The following PPP5C variants were observed in gnomAD, a reference collection of about 807,000 sequenced individuals.
PPP5C encodes protein phosphatase 5 catalytic subunit, also known as serine/threonine-protein phosphatase 5.
PPP5C carries 21 observed loss-of-function variants against 66.7 expected under a neutral mutation model. That is an observed-to-expected ratio of 0.31 (90% CI 0.22 to 0.45). PPP5C has a LOEUF of 0.45. Ranked by LOEUF, PPP5C falls within the 20% of genes least tolerant of loss-of-function variation. The pLI, the probability that PPP5C is intolerant of heterozygous loss-of-function variation, is 1.00. For synonymous variants in PPP5C, 246 were observed against 257.4 expected, an observed-to-expected ratio of 0.96 and a Z score of 0.43; for missense variants, 464 against 675.9, an observed-to-expected ratio of 0.69 and a Z score of 3.48.
At position 46,383,382 on chromosome 19, in the gene PPP5C, G is replaced by T; in HGVS notation, c.634-29G>T. The T allele has an allele frequency of 6.2e-7, 1 of 1,604,634 alleles. No homozygotes were observed. Among genetic ancestry groups the T allele is most frequent in the Non-Finnish European group, 8.5e-7 (1 of 1,175,870 alleles). ...AGGTTGGGCAGCAGCCCCTGCAGCC[G>T]GTCCCACTGAGTCTGCCCTGCCTTC... On this transcript the variant is annotated intron_variant, in intron 4 of 12. Transcript: ENST00000012443. The surrounding 1 kb of genome is among the most constrained non-coding windows in gnomAD (Gnocchi z 5.0).
At chr19:46,352,497 G>C (rs16980454) in intron 1 of PPP5C, among the ~76,000 whole-genome samples, 1,668 of 152,260 alleles carry the variant, frequency 0.011, 47 homozygotes, top group African/African-American at 0.038. Context: ...CGTGAGAGTG[G>C]GAGCCTTTTG....
chr19:46,368,614 A>G (rs889356496), intron 2 of PPP5C, among the ~76,000 whole-genome samples: 13 of 152,208 alleles, frequency 8.5e-5, no homozygotes, highest in African/African-American at 2.4e-4. Context: ...ACTGTATAAC[A>G]GGGATGAACT....
Position 46,383,343 on chromosome 19 carries a change from A to T in PPP5C, c.634-68A>T. ...CCCAGCAGCGTCTCATGGGCAGTCC[A>T]GGCTTTCGGGGCCAGGTTGGGCAGC... is the stretch of plus-strand genomic sequence containing the variant. On this transcript the variant is annotated intron_variant, in intron 4 of 12. Transcript: ENST00000012443. The surrounding 1 kb of genome is among the most constrained non-coding windows in gnomAD (Gnocchi z 5.0). The T allele has an allele frequency of 1.3e-6, 2 of 1,575,000 alleles. No homozygotes were observed. The highest frequency in any genetic ancestry group is 1.7e-6 in the Non-Finnish European group (2 of 1,161,002).
rs149732993 is a variant in PPP5C, at chr19:46,390,429, C to T, written c.*83C>T. On this transcript the variant is annotated 3_prime_UTR_variant, in exon 13 of 13. Transcript: ENST00000012443. ...CCTGGGCTAGGGGCAGAGCAGGCCC[C>T]GCCCCAGGGCAATGTTGGACCCCCT... 1.4e-3 allele frequency: 2,104 copies of T among 1,541,318 alleles called. No individual in the cohort carries two copies. Among genetic ancestry groups the T allele is most frequent in the Non-Finnish European group, 1.6e-3 (1,867 of 1,141,824 alleles).
intron 2 of PPP5C, among the ~76,000 whole-genome samples, chr19:46,358,724 A>T (rs1972329806): frequency 6.6e-6 from 1 of 152,198 alleles, no homozygotes; most frequent in South Asian, 2.1e-4. Context: ...TAAATCGGGG[A>T]GGAGTGATTA....
chr19:46,390,615 T>C lies in PPP5C; in HGVS notation c.*269T>C. On this transcript the variant is annotated 3_prime_UTR_variant, in exon 13 of 13. Coordinates refer to ENST00000012443, the MANE Select transcript of PPP5C (RefSeq NM_006247.4). ...TGGGCATTCTGTGGGGAGGCCGTCC[T>C]CGGGGTGGGGTGGGGCCGAGTGGCT... 6 of 1,328,986 alleles carry C rather than the reference T, an allele frequency of 4.5e-6. No homozygotes were observed. The highest frequency in any genetic ancestry group is 5.8e-6 in the Non-Finnish European group (6 of 1,032,708). 82.3% of individuals were successfully genotyped at this position (1,328,986 alleles called of 1,614,324 possible).
chr19:46,358,028 G>A (rs1453761673), intron 2 of PPP5C, among the ~76,000 whole-genome samples: 2 of 152,132 alleles, frequency 1.3e-5, no homozygotes, highest in Non-Finnish European at 2.9e-5. Flanking sequence ...CCAGTGACCA[G>A]CCCCCATCCT....
At chr19:46,347,870 G>C (rs953173963) in intron 1 of PPP5C, among the ~76,000 whole-genome samples, 47 of 151,800 alleles carry the variant, frequency 3.1e-4, no homozygotes, top group African/African-American at 1.1e-3. Context: ...CTTGACTTTG[G>C]GGATATAGCA....
Position 46,390,676 on chromosome 19 carries a change from C to T in PPP5C, c.*330C>T. On this transcript the variant is annotated 3_prime_UTR_variant, in exon 13 of 13. Transcript: ENST00000012443. ...CCTCATTTGCATGGCTCCTCCCCCA[C>T]TCAAGCAATAGGGCCCCGCCATAGG... The T allele has an allele frequency of 2.4e-6, 3 of 1,234,534 alleles. No homozygotes were observed. The highest frequency in any genetic ancestry group is 3.1e-6 in the Non-Finnish European group (3 of 973,230). The allele number at this position is 1,234,534 out of a possible 1,614,324, so 76.5% of individuals were successfully genotyped here.
intron 2 of PPP5C, among the ~76,000 whole-genome samples, chr19:46,372,380 G>A (rs2147385118): frequency 6.6e-6 from 1 of 151,448 alleles, no homozygotes; most frequent in East Asian, 1.9e-4. Flanking sequence ...TTTTGTTGTT[G>A]TTGTTATTTT....
At chr19:46,351,645 A>G (rs1421892583) in intron 1 of PPP5C, among the ~76,000 whole-genome samples, 1 of 152,210 alleles carries the variant, frequency 6.6e-6, no homozygotes. Context: ...CAGCCTCTGG[A>G]CCACAGCCAG....
chr19:46,373,754 A>G (rs916693547), intron 2 of PPP5C, among the ~76,000 whole-genome samples: 1 of 152,132 alleles, frequency 6.6e-6, no homozygotes, highest in African/African-American at 2.4e-5. Flanking sequence ...CCGGTTCCGA[A>G]CCAGCAGGGC....
At chr19:46,386,332 C>T (rs1336903140) in intron 7 of PPP5C, among the ~76,000 whole-genome samples, 1 of 152,216 alleles carries the variant, frequency 6.6e-6, no homozygotes, top group South Asian at 2.1e-4. Flanking sequence ...TAGGCTGGGG[C>T]GAAGCCTGCA....
Position 46,383,904 on chromosome 19 carries a change from C to A in PPP5C, c.798+26C>A. On this transcript the variant is annotated intron_variant, in intron 6 of 12. Transcript: ENST00000012443. The surrounding 1 kb of genome is among the most constrained non-coding windows in gnomAD (Gnocchi z 5.0). ...GTATCCTTCTCAGCAGAGCCACCCTCTCCCCACCTCCACCCCCAGCCGCAG... is the reference window on the plus strand; with the variant it reads ...GTATCCTTCTCAGCAGAGCCACCCTATCCCCACCTCCACCCCCAGCCGCAG... The A allele has an allele frequency of 1.3e-6, 2 of 1,548,278 alleles. No homozygotes were observed. Among genetic ancestry groups the A allele is most frequent in the Non-Finnish European group, 1.8e-6 (2 of 1,120,544 alleles).
intron 9 of PPP5C, chr19:46,387,663 G>T: frequency 6.7e-7 from 1 of 1,495,950 alleles, no homozygotes; most frequent in East Asian, 2.5e-5. Context: ...ATGGTGCGGG[G>T]TGAAGGCACG....
intron 2 of PPP5C, among the ~76,000 whole-genome samples, chr19:46,368,272 G>C (rs1972524402): frequency 1.3e-5 from 2 of 152,348 alleles, no homozygotes; most frequent in South Asian, 4.1e-4. Flanking sequence ...GCTTCACCAG[G>C]TGGTGACCCC....
In PPP5C at chr19:46,390,729, G is replaced by T; in HGVS notation, c.*383G>T. 8.7e-7 allele frequency: 1 copy of T among 1,145,974 alleles called. No individual in the cohort carries two copies. Among genetic ancestry groups the T allele is most frequent in the South Asian group, 2.1e-5 (1 of 46,624 alleles). 71.0% of individuals were successfully genotyped at this position (1,145,974 alleles called of 1,614,324 possible). Reference sequence around the variant, plus strand: ...GACCCCCAGAGAGAGGGTCAGCAGGGGGGCCCCGCCTGCGCCTCCCCTCCT... The same window carrying T: ...GACCCCCAGAGAGAGGGTCAGCAGGTGGGCCCCGCCTGCGCCTCCCCTCCT... On this transcript the variant is annotated 3_prime_UTR_variant, in exon 13 of 13. Transcript: ENST00000012443.
rs2147412276 is a variant in PPP5C, at chr19:46,390,590, T to C, written c.*244T>C. On this transcript the variant is annotated 3_prime_UTR_variant, in exon 13 of 13. Transcript: ENST00000012443. ...AGCAGCTGGGGCTGGGGGCACAGCC[T>C]GGGCATTCTGTGGGGAGGCCGTCCT... 1.5e-6 allele frequency: 2 copies of C among 1,362,064 alleles called. No homozygotes were observed. The highest frequency in any genetic ancestry group is 2.9e-5 in the African/African-American group (2 of 68,068). The allele number at this position is 1,362,064 out of a possible 1,614,324, so 84.4% of individuals were successfully genotyped here. A position where few individuals can be genotyped will look rare whatever the true frequency, so the allele number is the denominator to read the frequency against.
At position 46,390,114 on chromosome 19, in the gene PPP5C, C is replaced by A; in HGVS notation, c.1419C>A (p.Phe473Leu). Residue 473 changes from phenylalanine (F) to leucine (L), a missense_variant, in exon 12 of 13, where the codon TTC becomes TTA. Physicochemically the swap from Phe to Leu is conservative, Grantham distance 22. Around this residue, in one of 2 missense-constraint regions of PPP5C, gnomAD observed 387 missense variants for 626.0 expected, o/e 0.62. Transcript: ENST00000012443. ...HLQGSDLRPQ[F>L]HQFTAVPHPN... Reference sequence around the variant, plus strand: ...AGGGCTCTGACCTACGGCCTCAGTTCCACCAGTTCACAGCAGTGGTGAGTC... The same window carrying A: ...AGGGCTCTGACCTACGGCCTCAGTTACACCAGTTCACAGCAGTGGTGAGTC... 6.2e-7 allele frequency: 1 copy of A among 1,614,148 alleles called. No homozygotes were observed. The highest frequency in any genetic ancestry group is 8.5e-7 in the Non-Finnish European group (1 of 1,180,008).
Sources: allele counts gnomAD v4.1 joint callset (sites outside exome capture counted in the v4.1 genomes callset), GRCh38; gene constraint gnomAD v4.1.1; regional missense constraint gnomAD v4.1.1; non-coding constraint Gnocchi (gnomAD v3.1); transcripts MANE v1.5; gene names NCBI Gene and HGNC (gene_info 2026-07-23, HGNC 2026-07-21).